Variants in SGCG observed in about 807,000 individuals in gnomAD.
SGCG encodes the protein gamma-sarcoglycan.
In SGCG, 26 loss-of-function variants were observed where a neutral mutation model predicts 29.3. The observed-to-expected ratio is 0.89, with a 90% CI of 0.65 to 1.23. The LOEUF is 1.23. SGCG is among the 50% of genes most tolerant of loss of function. The pLI is 0.00. For missense variants in SGCG, 353 were observed against 356.0 expected, an observed-to-expected ratio of 0.99 and a Z score of 0.07; for synonymous variants, 145 against 129.7, an observed-to-expected ratio of 1.12 and a Z score of -0.80.
At chr13:23,197,666 A>G (rs1877565549) in intron 1 of SGCG, among the ~76,000 whole-genome samples, 1 of 152,208 alleles carries the variant, frequency 6.6e-6, no homozygotes, top group African/African-American at 2.4e-5. Flanking sequence ...AACACCACAG[A>G]GTGATAAATC....
chr13:23,203,918 GT>G, intron 2 of SGCG, 29 bp downstream of exon 2: 1 of 1,502,832 alleles, frequency 6.7e-7, no homozygotes, highest in Non-Finnish European at 9.3e-7. Context: ...TGGTAAGCAT[GT>G]TCTTGTTTTG....
intron 6 of SGCG, among the ~76,000 whole-genome samples, chr13:23,302,543 C>T (rs1882202339): frequency 6.6e-6 from 1 of 151,936 alleles, no homozygotes; most frequent in African/African-American, 2.4e-5. Context: ...ATCATAAATG[C>T]TTGAAGTGAT....
intron 5 of SGCG, among the ~76,000 whole-genome samples, chr13:23,280,766 G>C (rs1295916440): frequency 6.6e-6 from 1 of 152,230 alleles, no homozygotes; most frequent in African/African-American, 2.4e-5. Flanking sequence ...GCTGGGTTAA[G>C]TGGATTAAAT....
intron 4 of SGCG, among the ~76,000 whole-genome samples, chr13:23,278,910 A>T (rs976326333): frequency 2.0e-5 from 3 of 152,188 alleles, no homozygotes; most frequent in Non-Finnish European, 4.4e-5. Flanking sequence ...ATGGCAGAGA[A>T]AAGTTTCAGG....
chr13:23,314,407 T>TATATATATATATATATATAA (rs1439124394), intron 6 of SGCG, among the ~76,000 whole-genome samples: 1 of 140,944 alleles, frequency 7.1e-6, no homozygotes, highest in African/African-American at 2.6e-5. Flanking sequence ...TATATATATA[T>TATATATATATATATATATAA]AATCTTATTC....
intron 3 of SGCG, among the ~76,000 whole-genome samples, chr13:23,237,059 A>C (rs1176225633): frequency 6.6e-6 from 1 of 152,172 alleles, no homozygotes; most frequent in Non-Finnish European, 1.5e-5. Flanking sequence ...TGAATTTGCA[A>C]AATTTGACAC....
At chr13:23,174,985 C>T in the SGCG span, among the ~76,000 whole-genome samples, 9 of 152,052 alleles carry the variant, frequency 5.9e-5, no homozygotes, top group South Asian at 2.1e-4. Flanking sequence ...ATGGAGCAGC[C>T]GCAGCAACAG....
chr13:23,319,081 C>T (rs1394735201), intron 6 of SGCG, among the ~76,000 whole-genome samples: 3 of 152,102 alleles, frequency 2.0e-5, no homozygotes, highest in African/African-American at 7.2e-5. Flanking sequence ...GGGTGGATCC[C>T]GAGGTCAGGA....
At chr13:23,295,676 A>G (rs1367037851) in intron 6 of SGCG, among the ~76,000 whole-genome samples, 189 bp downstream of exon 6, 2 of 151,906 alleles carry the variant, frequency 1.3e-5, no homozygotes, top group East Asian at 3.9e-4. Flanking sequence ...AGTCCTACTG[A>G]CTCCACACTT....
intron 6 of SGCG, among the ~76,000 whole-genome samples, chr13:23,299,421 TATATATATATATATATATATA>T: frequency 3.2e-4 from 1 of 3,144 alleles, no homozygotes; most frequent in Admixed American, 4.1e-3. Context: ...TATATATATA[TATATATATATATATATATATA>T]TATATATATA....
At chr13:23,287,783 G>A (rs568145542) in intron 5 of SGCG, among the ~76,000 whole-genome samples, 4 of 151,768 alleles carry the variant, frequency 2.6e-5, no homozygotes, top group African/African-American at 7.3e-5. Flanking sequence ...TTGAGACAGC[G>A]TCTTGCTCTG....
chr13:23,193,721 TTAGAG>T lies in SGCG; in HGVS notation c.1-9968_1-9964del, dbSNP rs1373773205. Among the ~76,000 whole-genome samples, 7 of 152,270 alleles carry T rather than the reference TTAGAG, an allele frequency of 4.6e-5. No homozygotes were observed. The Middle Eastern group carries it at 0.014, about 296-fold the overall frequency. On this transcript the variant is annotated intron_variant, in intron 1 of 7. Coordinates refer to ENST00000218867, the MANE Select transcript of SGCG (RefSeq NM_000231.3). ...AGATGTCAAACAGGCAATTATCAGATTAGAGTAGAGAGTTCAGAGATATTTTAGGT... is the reference window on the plus strand; with the variant it reads ...AGATGTCAAACAGGCAATTATCAGATTAGAGAGTTCAGAGATATTTTAGGT...
chr13:23,200,862 G>T (rs1457652637), intron 1 of SGCG, among the ~76,000 whole-genome samples: 1 of 152,136 alleles, frequency 6.6e-6, no homozygotes, highest in African/African-American at 2.4e-5. Flanking sequence ...GGTCACACTT[G>T]GGGGACTCCT....
chr13:23,173,202 T>C, the SGCG span, among the ~76,000 whole-genome samples: 1 of 152,138 alleles, frequency 6.6e-6, no homozygotes, highest in Admixed American at 6.6e-5. Context: ...TGGGAAATCA[T>C]GGGTCTCCAA....
intron 4 of SGCG, among the ~76,000 whole-genome samples, chr13:23,274,393 CTCTTTTTT>C (rs1381964464): frequency 2.2e-4 from 14 of 62,766 alleles, no homozygotes; most frequent in African/African-American, 4.6e-4. Context: ...TTCTTTCTTT[CTCTTTTTT>C]TTTTTTTTTT....
intron 2 of SGCG, among the ~76,000 whole-genome samples, chr13:23,221,196 T>C (rs1218080478): frequency 6.6e-6 from 1 of 152,164 alleles, no homozygotes; most frequent in Non-Finnish European, 1.5e-5. Context: ...CAGAAGTGAC[T>C]AAAAACACGA....
intron 4 of SGCG, among the ~76,000 whole-genome samples, chr13:23,256,828 A>C (rs543912674): frequency 6.6e-6 from 1 of 152,312 alleles, no homozygotes; most frequent in East Asian, 1.9e-4. Flanking sequence ...GAACAGTGCC[A>C]CAATAAACAT....
At chr13:23,246,000 T>C (rs1409778471) in intron 3 of SGCG, 4 of 152,662 alleles carry the variant, frequency 2.6e-5, no homozygotes, top group Admixed American at 6.5e-5. Flanking sequence ...ACACCAGCTC[T>C]TGGTTCAGCA....
intron 2 of SGCG, among the ~76,000 whole-genome samples, chr13:23,214,673 C>T (rs1878357886): frequency 6.6e-6 from 1 of 152,176 alleles, no homozygotes; most frequent in Non-Finnish European, 1.5e-5. Context: ...CTCACACTGC[C>T]ATTTGATTTT....
Sources: gnomAD v4.1 joint callset for allele counts (sites outside exome capture counted in the v4.1 genomes callset) on GRCh38, gnomAD v4.1.1 for gene constraint, MANE v1.5 for transcripts, NCBI Gene and HGNC (gene_info 2026-07-23, HGNC 2026-07-21) for gene names.